CACNB4: variants seen among roughly 807,000 people sequenced by gnomAD.
The protein encoded by CACNB4 is voltage-dependent L-type calcium channel subunit beta-4.
In CACNB4, 32 loss-of-function variants were observed where a neutral mutation model predicts 71.2. The ratio of observed to expected loss-of-function variants is 0.45; its 90% confidence interval spans 0.34 to 0.60. The LOEUF (loss-of-function observed/expected upper bound fraction) is 0.60, where lower values mean the gene tolerates loss of function less well. Among genes scored for constraint, CACNB4 ranks in the 20% least tolerant of loss-of-function variants. The pLI is 0.01. For missense variants in CACNB4, 464 were observed against 647.9 expected (o/e 0.72, Z 3.08); for synonymous variants, 231 against 236.9 (o/e 0.97, Z 0.23).
intron 12 of CACNB4, chr2:151,851,631 G>C (rs2099839095): frequency 6.6e-6 from 1 of 152,080 alleles, no homozygotes; most frequent in Non-Finnish European, 1.5e-5. Flanking sequence ...CCTCTCAGCA[G>C]CTAAAATCCC....
intron 2 of CACNB4, among the ~76,000 whole-genome samples, chr2:151,934,561 G>C (rs139960534): frequency 3.5e-4 from 54 of 152,322 alleles, no homozygotes; most frequent in African/African-American, 1.2e-3. Context: ...ATTTACGGCT[G>C]GGCACGGTGG....
At chr2:151,850,727 T>C (rs1041283073) in intron 12 of CACNB4, 1 of 152,202 alleles carries the variant, frequency 6.6e-6, no homozygotes, top group Non-Finnish European at 1.5e-5. Context: ...CTATTGGAGA[T>C]ATAAAATACA....
At chr2:152,088,140 A>AACACACACAC (rs55688548) in intron 2 of CACNB4, among the ~76,000 whole-genome samples, 1,597 of 136,958 alleles carry the variant, frequency 0.012, 27 homozygotes, top group African/African-American at 0.02. Flanking sequence ...TTCCCCACTT[A>AACACACACAC]ACACACACAC....
intron 2 of CACNB4, among the ~76,000 whole-genome samples, chr2:151,974,855 G>T (rs995141558): frequency 6.6e-5 from 10 of 151,144 alleles, no homozygotes; most frequent in African/African-American, 2.4e-4. Context: ...TGAAACAGGA[G>T]AGCTTTATGG....
chr2:151,850,001 G>C (rs139205641), intron 12 of CACNB4, among the ~76,000 whole-genome samples: 1 of 152,024 alleles, frequency 6.6e-6, no homozygotes, highest in East Asian at 1.9e-4. Context: ...TTTTGCAAAG[G>C]AGTCTATATA....
chr2:151,885,202 T>C (rs189605138), intron 2 of CACNB4, among the ~76,000 whole-genome samples: 164 of 152,346 alleles, frequency 1.1e-3, no homozygotes, highest in African/African-American at 3.5e-3. Flanking sequence ...CAGAAAACTT[T>C]ATAGAAGTTA....
intron 13 of CACNB4, 90 bp from the exon 14 acceptor site, chr2:151,839,469 A>G (rs1295908953): frequency 7.0e-6 from 7 of 1,004,756 alleles, no homozygotes; most frequent in Non-Finnish European, 8.9e-6. Context: ...GATCTGTACA[A>G]TAAGATGCTA....
At chr2:152,092,045 A>G (rs1688000804) in intron 2 of CACNB4, among the ~76,000 whole-genome samples, 1 of 152,174 alleles carries the variant, frequency 6.6e-6, no homozygotes, top group Admixed American at 6.5e-5. Flanking sequence ...TGGCTTGTTT[A>G]TTCAGGGATA....
chr2:151,861,847 A>AT (rs2099841765), intron 9 of CACNB4: 1 of 151,574 alleles, frequency 6.6e-6, no homozygotes, highest in Non-Finnish European at 1.5e-5. Flanking sequence ...TGTCTCAAAA[A>AT]AAAAAAAAAA....
At chr2:152,018,021 C>CG (rs1372075674) in intron 2 of CACNB4, among the ~76,000 whole-genome samples, 5 of 151,750 alleles carry the variant, frequency 3.3e-5, no homozygotes, top group East Asian at 2.0e-4. Flanking sequence ...TTAGTAGAGA[C>CG]GGGGTTTCAC....
intron 2 of CACNB4, among the ~76,000 whole-genome samples, chr2:152,025,761 C>T (rs919753580): frequency 6.6e-6 from 1 of 152,180 alleles, no homozygotes; most frequent in African/African-American, 2.4e-5. Context: ...AATAGTGCCC[C>T]CGTGTGGTTT....
intron 2 of CACNB4, among the ~76,000 whole-genome samples, chr2:152,078,212 T>A (rs1687148333): frequency 6.6e-6 from 1 of 152,192 alleles, no homozygotes; most frequent in Non-Finnish European, 1.5e-5. Flanking sequence ...AATCATCACT[T>A]CATCTGCATC....
intron 2 of CACNB4, among the ~76,000 whole-genome samples, chr2:152,031,728 C>A (rs1019103857): frequency 6.6e-6 from 1 of 152,198 alleles, no homozygotes; most frequent in Admixed American, 6.5e-5. Flanking sequence ...AGTGAGAGGA[C>A]AGTCAGCAGG....
chr2:151,842,148 A>C lies in CACNB4; in HGVS notation c.1117-60T>G, dbSNP rs2099836381. On this transcript the variant is annotated intron_variant, in intron 12 of 13. Transcript: ENST00000539935. ...TTTAGGTTTTAGGCAATGAAACCTA[A>C]AATTCCACTTAACACAGATAATAGC... The C allele has an allele frequency of 2.1e-6, 3 of 1,408,168 alleles. No individual in the cohort carries two copies. The African/African-American group carries it at 4.2e-5, about 20-fold the overall frequency. The allele number at this position is 1,408,168 out of a possible 1,614,324, so 87.2% of individuals were successfully genotyped here. A position where few individuals can be genotyped will look rare whatever the true frequency, so the allele number is the denominator to read the frequency against.
chr2:151,839,326 T>C lies in CACNB4; in HGVS notation c.1356A>G (p.Arg452=). 6.2e-7 allele frequency: 1 copy of C among 1,613,258 alleles called. No homozygotes were observed. The highest frequency in any genetic ancestry group is 8.5e-7 in the Non-Finnish European group (1 of 1,179,196). Residue 452 remains arginine, a synonymous_variant, in exon 14 of 14, where the codon AGA becomes AGG. Transcript: ENST00000539935. ...NHSTENSPIE[R]RSLMTSDENY... is the part of the protein sequence containing the mutation. Reference sequence around the variant, plus strand: ...TTTCATCAGAGGTCATTAGACTTCGTCTTTCAATTGGAGAGTTCTCTGTGG... The same window carrying C: ...TTTCATCAGAGGTCATTAGACTTCGCCTTTCAATTGGAGAGTTCTCTGTGG...
At position 152,098,801 on chromosome 2, in the gene CACNB4, C is replaced by T. The variant is rs551044114; in HGVS notation, c.63+148G>A. 1.3e-4 allele frequency: 64 copies of T among 503,240 alleles called. No homozygotes were observed. Among genetic ancestry groups the T allele is most frequent in the African/African-American group, 8.1e-4 (38 of 47,176 alleles). 31.2% of individuals were successfully genotyped at this position (503,240 alleles called of 1,614,324 possible). A position where few individuals can be genotyped will look rare whatever the true frequency, so the allele number is the denominator to read the frequency against. On this transcript the variant is annotated intron_variant, in intron 1 of 13. Coordinates refer to ENST00000539935, the MANE Select transcript of CACNB4 (RefSeq NM_000726.5). The surrounding 1 kb of genome is among the most constrained non-coding windows in gnomAD (Gnocchi z 5.3). ...GAGGAGGAGCGGGAGGAGAAAGGGACGTGGAGGAGGGGTGGGGGGAGCGGG... is the reference window on the plus strand; with the variant it reads ...GAGGAGGAGCGGGAGGAGAAAGGGATGTGGAGGAGGGGTGGGGGGAGCGGG...
chr2:151,982,788 T>G (rs4664072), intron 2 of CACNB4, among the ~76,000 whole-genome samples: 126,359 of 152,122 alleles, frequency 0.83, 53,535 homozygotes, highest in Middle Eastern at 0.94. Context: ...AAAGAGAAAG[T>G]CATTTCCATC....
intron 2 of CACNB4, among the ~76,000 whole-genome samples, chr2:152,055,895 C>T (rs527880066): frequency 1.3e-5 from 2 of 152,114 alleles, no homozygotes; most frequent in East Asian, 3.9e-4. Flanking sequence ...GAGTGGCGAC[C>T]GAAGCTCAGT....
At chr2:151,969,675 T>G (rs1378813140) in intron 2 of CACNB4, 1 of 152,168 alleles carries the variant, frequency 6.6e-6, no homozygotes, top group Non-Finnish European at 1.5e-5. Context: ...GCACAGACAT[T>G]GAGACAAACA....
Sources: allele counts gnomAD v4.1 joint callset (sites outside exome capture counted in the v4.1 genomes callset), GRCh38; gene constraint gnomAD v4.1.1; non-coding constraint Gnocchi (gnomAD v3.1); transcripts MANE v1.5; gene names NCBI Gene and HGNC (gene_info 2026-07-23, HGNC 2026-07-21).